The following CNTNAP5 variants were observed in gnomAD, a reference collection of about 807,000 sequenced individuals.
The protein encoded by CNTNAP5 is contactin-associated protein-like 5.
Under a neutral mutation model 150.2 loss-of-function variants are expected in CNTNAP5, and 72 were observed. The ratio of observed to expected loss-of-function variants is 0.48; its 90% CI spans 0.40 to 0.58. CNTNAP5 has a LOEUF of 0.58. Ranked by LOEUF, CNTNAP5 falls within the 20% of genes least tolerant of loss-of-function variation. The probability of loss-of-function intolerance (pLI) is 0.00; values close to 1 mark genes in which losing one functional copy is unlikely to be tolerated. For synonymous variants in CNTNAP5, 672 were observed against 619.8 expected, an observed-to-expected ratio of 1.08 and a Z score of -1.25; for missense variants, 1,636 against 1,626.2, an observed-to-expected ratio of 1.01 and a Z score of -0.10.
intron 19 of CNTNAP5, among the ~76,000 whole-genome samples, chr2:124,855,783 G>T (rs994324792): frequency 3.3e-5 from 5 of 151,980 alleles, no homozygotes; most frequent in Non-Finnish European, 7.4e-5. Flanking sequence ...TTCTTTAGTG[G>T]TGATTTCTGA....
chr2:124,875,192 A>G (rs979025888), intron 21 of CNTNAP5, among the ~76,000 whole-genome samples: 1 of 152,084 alleles, frequency 6.6e-6, no homozygotes. Context: ...AAAACCCTGA[A>G]TGCTTTCACA....
At chr2:124,110,225 A>T (rs995232484) in intron 1 of CNTNAP5, among the ~76,000 whole-genome samples, 5 of 152,218 alleles carry the variant, frequency 3.3e-5, no homozygotes, top group African/African-American at 9.6e-5. Context: ...ATCTGTTGTT[A>T]TGTATGGACT....
At chr2:124,415,916 C>T (rs1047433557) in intron 3 of CNTNAP5, among the ~76,000 whole-genome samples, 1 of 151,952 alleles carries the variant, frequency 6.6e-6, no homozygotes, top group Non-Finnish European at 1.5e-5. Context: ...CAAAAAAAAC[C>T]CCCCAATAAT....
At chr2:124,707,204 G>GAAGAAGAAGAAGAAGAAGAAT (rs1010621414) in intron 13 of CNTNAP5, among the ~76,000 whole-genome samples, 9 of 142,716 alleles carry the variant, frequency 6.3e-5, no homozygotes, top group Non-Finnish European at 9.2e-5. Context: ...AGAAGAAGAA[G>GAAGAAGAAGAAGAAGAAGAAT]AATAAACAAC....
Position 124,865,379 on chromosome 2 carries a change from T to C in CNTNAP5, c.3291T>C (p.Ala1097=). Residue 1097 remains alanine, a synonymous_variant, in exon 20 of 24, where the codon GCT becomes GCC. Transcript: ENST00000682447. ...TCACCATTGATGCAGATAACTTTGC[T>C]AACAGAAGGATGCACCACTTGAAGA... ...HVFTIDADNF[A]NRRMHHLKIN... 1.3e-6 allele frequency: 2 copies of C among 1,555,928 alleles called. No homozygotes were observed. Among genetic ancestry groups the C allele is most frequent in the South Asian group, 1.2e-5 (1 of 84,368 alleles).
intron 1 of CNTNAP5, among the ~76,000 whole-genome samples, chr2:124,177,676 C>G (rs946667276): frequency 3.3e-5 from 5 of 152,076 alleles, no homozygotes; most frequent in Non-Finnish European, 5.9e-5. Flanking sequence ...TGTGTGTGCG[C>G]ACGCACACAA....
chr2:124,222,649 C>A lies in CNTNAP5; in HGVS notation c.187+840C>A, dbSNP rs115349634. 2.7e-3 allele frequency among the ~76,000 whole-genome samples: 406 copies of A among 150,122 alleles called. 2 individuals are homozygous for A. Among genetic ancestry groups the A allele is most frequent in the African/African-American group, 9.5e-3 (384 of 40,490 alleles). On this transcript the variant is annotated intron_variant, in intron 2 of 23. Coordinates refer to ENST00000682447, the MANE Select transcript of CNTNAP5 (RefSeq NM_001367498.1). Reference sequence around the variant, plus strand: ...TTTTGAGTATATTTTCCATTGATATCTTAAGTAGGTTACATTAGCAGGTTT... The same window carrying A: ...TTTTGAGTATATTTTCCATTGATATATTAAGTAGGTTACATTAGCAGGTTT...
chr2:124,089,899 G>A (rs1682775753), intron 1 of CNTNAP5, among the ~76,000 whole-genome samples: 1 of 152,176 alleles, frequency 6.6e-6, no homozygotes, highest in Non-Finnish European at 1.5e-5. Flanking sequence ...CAGCCTTTGG[G>A]TTGTGAAGCA....
At chr2:124,189,279 T>C (rs943595592) in intron 1 of CNTNAP5, among the ~76,000 whole-genome samples, 1 of 152,128 alleles carries the variant, frequency 6.6e-6, no homozygotes, top group Non-Finnish European at 1.5e-5. Context: ...AAATATGTAA[T>C]ATTCTGAATA....
chr2:124,607,372 T>G (rs1173120899), intron 11 of CNTNAP5, among the ~76,000 whole-genome samples: 1 of 152,164 alleles, frequency 6.6e-6, no homozygotes, highest in African/African-American at 2.4e-5. Context: ...TTGCAAGGGC[T>G]GCCTTGTTAC....
At chr2:124,073,256 C>T (rs963080140) in intron 1 of CNTNAP5, among the ~76,000 whole-genome samples, 1 of 151,992 alleles carries the variant, frequency 6.6e-6, no homozygotes, top group Non-Finnish European at 1.5e-5. Flanking sequence ...CTATGAAACT[C>T]CTACAAGAAA....
chr2:124,621,514 A>C (rs1677613965), intron 12 of CNTNAP5, among the ~76,000 whole-genome samples: 1 of 152,206 alleles, frequency 6.6e-6, no homozygotes, highest in Non-Finnish European at 1.5e-5. Flanking sequence ...ATTAAAACTC[A>C]TCAAAGCATG....
chr2:124,143,716 C>G (rs1188504587), intron 1 of CNTNAP5, among the ~76,000 whole-genome samples: 1 of 135,000 alleles, frequency 7.4e-6, no homozygotes, highest in Non-Finnish European at 1.5e-5. Context: ...GAAGCATTCC[C>G]TTTGAAAACT....
intron 3 of CNTNAP5, among the ~76,000 whole-genome samples, chr2:124,270,299 A>G (rs1408456990): frequency 6.6e-6 from 1 of 151,492 alleles, no homozygotes; most frequent in Non-Finnish European, 1.5e-5. Flanking sequence ...GCTGAGCAAG[A>G]CTCCATCTCA....
chr2:124,242,833 T>C (rs1313357700), intron 3 of CNTNAP5, among the ~76,000 whole-genome samples: 1 of 152,222 alleles, frequency 6.6e-6, no homozygotes, highest in African/African-American at 2.4e-5. Flanking sequence ...CATTGCCCAA[T>C]GTATGAATTG....
intron 3 of CNTNAP5, among the ~76,000 whole-genome samples, chr2:124,332,095 A>G (rs1020434328): frequency 7.2e-5 from 11 of 151,746 alleles, no homozygotes; most frequent in Non-Finnish European, 1.5e-4. Flanking sequence ...AAACAGATAT[A>G]TATGTTTTAC....
In CNTNAP5 at chr2:124,025,372, C is replaced by A; in HGVS notation, c.-279C>A. On this transcript the variant is annotated 5_prime_UTR_variant, in exon 1 of 24. Transcript: ENST00000682447. ...CGTTCTAATTGGGTTTGGATTTGCA[C>A]CGTTAAGGAGGGGGGAAGAGAAGGA... The A allele has an allele frequency of 2.1e-6, 1 of 473,094 alleles. No individual in the cohort carries two copies. Among genetic ancestry groups the A allele is most frequent in the African/African-American group, 2.0e-5 (1 of 51,102 alleles). 29.3% of individuals were successfully genotyped at this position (473,094 alleles called of 1,614,324 possible).
intron 1 of CNTNAP5, among the ~76,000 whole-genome samples, chr2:124,135,504 C>G (rs962933886): frequency 6.6e-6 from 1 of 151,962 alleles, no homozygotes; most frequent in African/African-American, 2.4e-5. Flanking sequence ...TCAAGAAAGA[C>G]TAGGAAAAAA....
At chr2:124,397,848 G>T (rs1196125468) in intron 3 of CNTNAP5, among the ~76,000 whole-genome samples, 1 of 151,768 alleles carries the variant, frequency 6.6e-6, no homozygotes, top group East Asian at 2.0e-4. Context: ...ACTTCTCAAG[G>T]GGATCTAGGG....
Sources: gnomAD v4.1 joint callset for allele counts (sites outside exome capture counted in the v4.1 genomes callset) on GRCh38, gnomAD v4.1.1 for gene constraint, MANE v1.5 for transcripts, NCBI Gene and HGNC (gene_info 2026-07-23, HGNC 2026-07-21) for gene names.